KAT6B: variants seen among roughly 807,000 people sequenced by gnomAD.
The protein encoded by KAT6B is histone acetyltransferase KAT6B.
In KAT6B, 10 loss-of-function variants were observed where a neutral mutation model predicts 187.5. That is an observed-to-expected ratio of 0.05 (90% confidence interval 0.03 to 0.09). The LOEUF (loss-of-function observed/expected upper bound fraction) is 0.09. Among genes scored for constraint, KAT6B ranks in the 10% least tolerant of loss-of-function variants. The pLI, the probability that KAT6B is intolerant of heterozygous loss-of-function variation, is 1.00. For synonymous variants in KAT6B, 861 were observed against 926.8 expected, an observed-to-expected ratio of 0.93 and a Z score of 1.29; for missense variants, 1,952 against 2,558.9, an observed-to-expected ratio of 0.76 and a Z score of 5.12.
At position 74,928,960 on chromosome 10, in the gene KAT6B, TCA is replaced by T. The variant is rs1163994551; in HGVS notation, c.622-31009_622-31008del. ...TGGTAGAATTTAGAGCTCAAAATGT[TCA>T]GACTGTTTCTGTCCAAGTAGCATTC... On this transcript the variant is annotated intron_variant, in intron 3 of 17. Coordinates refer to ENST00000287239, the MANE Select transcript of KAT6B (RefSeq NM_012330.4). Among the ~76,000 whole-genome samples, 23 of 152,340 alleles carry T rather than the reference TCA, an allele frequency of 1.5e-4. 1 individual carries two copies. Among genetic ancestry groups the T allele is most frequent in the African/African-American group, 5.3e-4 (22 of 41,580 alleles).
In KAT6B at chr10:75,024,986, G is replaced by T; in HGVS notation, c.3401G>T (p.Gly1134Val). ...KRPFVLKKKRGRKRRRINSSV... is the reference protein window; with the variant it reads ...KRPFVLKKKRVRKRRRINSSV... ...CCTTTTGTACTAAAGAAGAAAAGGG[G>T]TCGTAAACGCAGGAGGATCAACAGC... The change falls in exon 17 of 18, where the codon GGT becomes GTT. Residue 1134 changes from glycine (G) to valine (V), a missense_variant. Coordinates refer to ENST00000287239, the MANE Select transcript of KAT6B (RefSeq NM_012330.4). The T allele has an allele frequency of 6.2e-7, 1 of 1,614,208 alleles. No homozygotes were observed. The highest frequency in any genetic ancestry group is 8.5e-7 in the Non-Finnish European group (1 of 1,180,026).
At position 74,971,218 on chromosome 10, in the gene KAT6B, C is replaced by A. The variant is rs984430048; in HGVS notation, c.928+1117C>A. ...TTAGGGTGGATATTACAAATGTTTC[C>A]AATTTTTTCCATCCACAATTATTTC... On this transcript the variant is annotated intron_variant, in intron 6 of 17. Coordinates refer to ENST00000287239, the MANE Select transcript of KAT6B (RefSeq NM_012330.4). Among the ~76,000 whole-genome samples, 22 of 152,030 alleles carry A rather than the reference C, an allele frequency of 1.4e-4. 1 individual carries two copies. The highest frequency in any genetic ancestry group is 1.1e-3 in the Admixed American group (17 of 15,264).
Position 74,972,638 on chromosome 10 carries a change from T to C in KAT6B, c.1060T>C (p.Leu354=). 1 of 1,612,772 alleles carries C rather than the reference T, an allele frequency of 6.2e-7. No homozygotes were observed. The highest frequency in any genetic ancestry group is 8.5e-7 in the Non-Finnish European group (1 of 1,179,022). The change falls in exon 7 of 18, where the codon TTG becomes CTG. Residue 354 remains leucine, a splice_region_variant and synonymous_variant. Transcript: ENST00000287239. ...GAAAAATAAATTAAAGCAACGATTG[T>C]TGTAGGTTGAGATCTTATCAAAAGA... The part of the protein sequence containing the change: ...RPKNKLKQRL[L]SVTSDEGSMN...
chr10:74,862,874 GC>G (rs1843282214), intron 3 of KAT6B, among the ~76,000 whole-genome samples: 1 of 152,090 alleles, frequency 6.6e-6, no homozygotes, highest in Non-Finnish European at 1.5e-5. Flanking sequence ...AGGGACGGCA[GC>G]CCCCAGCACT....
intron 3 of KAT6B, among the ~76,000 whole-genome samples, chr10:74,924,955 T>A (rs751579163): frequency 4.6e-5 from 7 of 152,142 alleles, no homozygotes; most frequent in Non-Finnish European, 8.8e-5. Flanking sequence ...ATTCTTAACA[T>A]CTGAAAGTTT....
chr10:74,913,588 T>A (rs1472504195), intron 3 of KAT6B, among the ~76,000 whole-genome samples: 1 of 152,232 alleles, frequency 6.6e-6, no homozygotes, highest in East Asian at 1.9e-4. Flanking sequence ...CTTCTAGAAT[T>A]CACAAGGATT....
At chr10:74,920,497 C>G (rs1848028958) in intron 3 of KAT6B, among the ~76,000 whole-genome samples, 1 of 152,136 alleles carries the variant, frequency 6.6e-6, no homozygotes, top group African/African-American at 2.4e-5. Context: ...TTTGAATTAC[C>G]TATTCTGTCC....
At chr10:74,970,171 G>A in intron 6 of KAT6B, 70 bp downstream of exon 6, 1 of 1,155,532 alleles carries the variant, frequency 8.7e-7, no homozygotes, top group Non-Finnish European at 1.3e-6. Context: ...AGGTCTGACA[G>A]CTCAGAGGTA....
intron 3 of KAT6B, among the ~76,000 whole-genome samples, chr10:74,879,301 T>C (rs921279998): frequency 6.6e-6 from 1 of 152,180 alleles, no homozygotes; most frequent in Non-Finnish European, 1.5e-5. Context: ...CTTTGAGTGC[T>C]ATAGCCTGGA....
intron 3 of KAT6B, among the ~76,000 whole-genome samples, chr10:74,868,292 A>G (rs777874651): frequency 7.2e-5 from 11 of 152,014 alleles, no homozygotes; most frequent in Middle Eastern, 3.4e-3. Context: ...CTCGTCTTGA[A>G]CTCCTGAGCT....
Position 74,933,010 on chromosome 10 carries a change from A to G in KAT6B, c.622-26960A>G, listed in dbSNP as rs1564571978. Among the ~76,000 whole-genome samples the G allele has an allele frequency of 2.6e-5, 4 of 152,214 alleles. No homozygotes were observed. The South Asian group carries it at 6.2e-4, about 24-fold the overall frequency. On this transcript the variant is annotated intron_variant, in intron 3 of 17. Coordinates refer to ENST00000287239, the MANE Select transcript of KAT6B (RefSeq NM_012330.4). ...GAGCTCACAAGGAAAGACTTTCTGC[A>G]TACACACCATTTTTTCCTGTGTTGT...
chr10:75,009,469 T>C (rs1309007662), intron 13 of KAT6B, among the ~76,000 whole-genome samples: 1 of 152,130 alleles, frequency 6.6e-6, no homozygotes, highest in Non-Finnish European at 1.5e-5. Context: ...GGGGATAATA[T>C]TAGTATATTG....
intron 1 of KAT6B, among the ~76,000 whole-genome samples, 191 bp downstream of exon 1, chr10:74,826,976 G>T: frequency 7.1e-6 from 1 of 140,538 alleles, no homozygotes. Flanking sequence ...GGAGGGACAG[G>T]CCCCGCCCCT....
intron 3 of KAT6B, among the ~76,000 whole-genome samples, chr10:74,924,106 A>C (rs905901750): frequency 6.6e-6 from 1 of 152,214 alleles, no homozygotes; most frequent in East Asian, 1.9e-4. Flanking sequence ...GGAGTTATCT[A>C]TCACTGAGAT....
intron 3 of KAT6B, among the ~76,000 whole-genome samples, chr10:74,941,215 G>A (rs1324255175): frequency 6.6e-6 from 1 of 152,200 alleles, no homozygotes; most frequent in African/African-American, 2.4e-5. Context: ...CATATCACCA[G>A]GCTGAATGAG....
chr10:74,987,863 C>CT (rs1411430998), intron 12 of KAT6B, among the ~76,000 whole-genome samples: 1 of 152,320 alleles, frequency 6.6e-6, no homozygotes, highest in East Asian at 1.9e-4. Context: ...ACCCATTTGT[C>CT]TAACTTTGCA....
intron 1 of KAT6B, among the ~76,000 whole-genome samples, chr10:74,833,873 T>C (rs1362333290): frequency 6.6e-6 from 1 of 152,238 alleles, no homozygotes; most frequent in Non-Finnish European, 1.5e-5. Flanking sequence ...TCTAAAAAGA[T>C]GGGGAATTAA....
chr10:74,840,013 A>ATGAAATTGAACG (rs1222103642), intron 2 of KAT6B, among the ~76,000 whole-genome samples: 1 of 152,246 alleles, frequency 6.6e-6, no homozygotes, highest in Non-Finnish European at 1.5e-5. Context: ...AATCAACGAG[A>ATGAAATTGAACG]TGAAATTGAA....
intron 11 of KAT6B, 150 bp downstream of exon 11, chr10:74,982,078 G>A: frequency 1.5e-6 from 1 of 689,156 alleles, no homozygotes; most frequent in Non-Finnish European, 2.5e-6. Flanking sequence ...CCATGTTTTG[G>A]AATGTTTATC....
Sources: gnomAD v4.1 joint callset for allele counts (sites outside exome capture counted in the v4.1 genomes callset) on GRCh38, gnomAD v4.1.1 for gene constraint, MANE v1.5 for transcripts, NCBI Gene and HGNC (gene_info 2026-07-23, HGNC 2026-07-21) for gene names.